Variants in PHACTR3 observed in about 807,000 individuals in gnomAD.
PHACTR3 encodes protein phosphatase 1, regulatory subunit 123.
Under a neutral mutation model 66.8 loss-of-function variants are expected in PHACTR3, and 16 were observed. The ratio of observed to expected loss-of-function variants is 0.24; its 90% confidence interval spans 0.16 to 0.36. The LOEUF (loss-of-function observed/expected upper bound fraction) is 0.36, where lower values mean the gene tolerates loss of function less well. Among genes scored for constraint, PHACTR3 ranks in the 10% least tolerant of loss-of-function variants. PHACTR3 has a pLI of 1.00. For missense variants in PHACTR3, 647 were observed against 719.9 expected (o/e 0.90, Z 1.16); for synonymous variants, 323 against 292.1 (o/e 1.11, Z -1.08).
chr20:59,704,960 T>C (rs1003460693), intron 1 of PHACTR3, among the ~76,000 whole-genome samples: 3 of 131,120 alleles, frequency 2.3e-5, no homozygotes, highest in Non-Finnish European at 5.4e-5. Context: ...GACTTTCTCT[T>C]TTTTTTTTTT....
chr20:59,837,879 C>T (rs2058992883), intron 9 of PHACTR3, among the ~76,000 whole-genome samples: 1 of 152,182 alleles, frequency 6.6e-6, no homozygotes, highest in Non-Finnish European at 1.5e-5. Flanking sequence ...ACCATGTCTT[C>T]TTTCAGTAGC....
chr20:59,827,535 C>CA (rs1002405448), intron 8 of PHACTR3, among the ~76,000 whole-genome samples: 25 of 152,254 alleles, frequency 1.6e-4, no homozygotes, highest in Non-Finnish European at 2.6e-4. Flanking sequence ...CTAGCCCCCT[C>CA]ACATACGGCT....
At chr20:59,799,660 G>A (rs1168670778) in intron 7 of PHACTR3, among the ~76,000 whole-genome samples, 1 of 151,918 alleles carries the variant, frequency 6.6e-6, no homozygotes, top group East Asian at 1.9e-4. Flanking sequence ...TAATCTATTT[G>A]TAACTTTATA....
chr20:59,846,655 A>C (rs2059152606), intron 12 of PHACTR3, among the ~76,000 whole-genome samples: 1 of 152,188 alleles, frequency 6.6e-6, no homozygotes, highest in Non-Finnish European at 1.5e-5. Flanking sequence ...CTAATACTTA[A>C]AATGTGGTAT....
At chr20:59,747,884 A>G in intron 3 of PHACTR3, 49 bp downstream of exon 3, 6 of 1,582,144 alleles carry the variant, frequency 3.8e-6, no homozygotes, top group Non-Finnish European at 5.2e-6. Context: ...CTGGGAATGC[A>G]GAATGGAAAG....
chr20:59,633,153 G>C (rs2034725772), intron 1 of PHACTR3, among the ~76,000 whole-genome samples: 1 of 152,204 alleles, frequency 6.6e-6, no homozygotes, highest in Non-Finnish European at 1.5e-5. Flanking sequence ...CTTTTCTCGT[G>C]AAAGTAGGGT....
chr20:59,740,624 C>T (rs568919428), intron 1 of PHACTR3, among the ~76,000 whole-genome samples: 2 of 152,354 alleles, frequency 1.3e-5, no homozygotes, highest in African/African-American at 4.8e-5. Context: ...ACACTGAGTC[C>T]TCCCCTCAAC....
chr20:59,609,263 C>A (rs543912287), intron 1 of PHACTR3, among the ~76,000 whole-genome samples: 6 of 152,336 alleles, frequency 3.9e-5, no homozygotes, highest in East Asian at 1.9e-4. Flanking sequence ...GGGCTCAGGG[C>A]ATCCCATGCT....
intron 1 of PHACTR3, among the ~76,000 whole-genome samples, chr20:59,664,566 C>G (rs891004507): frequency 6.6e-6 from 1 of 152,204 alleles, no homozygotes. Flanking sequence ...TTGACCTTCT[C>G]CTACACCTCC....
In PHACTR3 at chr20:59,822,738, G is replaced by A. The variant is rs919458594; in HGVS notation, c.1329-13767G>A. Among the ~76,000 whole-genome samples, 8 of 152,242 alleles carry A rather than the reference G, an allele frequency of 5.3e-5. No homozygotes were observed. In the East Asian group the frequency reaches 9.7e-4, roughly 18 times the overall value. ...CTGACGGGCACCTACCGTGTGGCTC[G>A]GGCCCCGTGCTGGGCAAGACCCTGC... On this transcript the variant is annotated intron_variant, in intron 8 of 12. Transcript: ENST00000371015.
intron 1 of PHACTR3, among the ~76,000 whole-genome samples, chr20:59,723,748 A>G (rs1025062738): frequency 5.3e-5 from 8 of 151,756 alleles, no homozygotes; most frequent in African/African-American, 1.7e-4. Flanking sequence ...TCTTTGGGCA[A>G]TGGTAAGGAG....
intron 8 of PHACTR3, 107 bp downstream of exon 8, chr20:59,806,301 C>T: frequency 7.1e-7 from 1 of 1,406,486 alleles, no homozygotes; most frequent in East Asian, 2.4e-5. Flanking sequence ...GCACAACCCA[C>T]CGTCTGCAGC....
intron 4 of PHACTR3, among the ~76,000 whole-genome samples, chr20:59,766,635 C>G (rs532771131): frequency 3.9e-4 from 59 of 152,256 alleles, no homozygotes; most frequent in Middle Eastern, 3.4e-3. Context: ...TTCCTATCCT[C>G]ACTCCCACTC....
At chr20:59,819,643 G>C (rs2145413933) in intron 8 of PHACTR3, among the ~76,000 whole-genome samples, 1 of 152,286 alleles carries the variant, frequency 6.6e-6, no homozygotes, top group East Asian at 1.9e-4. Flanking sequence ...GTGTGGCCTG[G>C]TTGGGCCGGT....
At chr20:59,845,345 T>G in intron 12 of PHACTR3, 80 bp downstream of exon 12, 1 of 876,516 alleles carries the variant, frequency 1.1e-6, no homozygotes, top group Non-Finnish European at 1.9e-6. Flanking sequence ...CCACAAACCA[T>G]GTATCCAGCT....
At chr20:59,828,795 G>C (rs959186570) in intron 8 of PHACTR3, among the ~76,000 whole-genome samples, 1 of 152,056 alleles carries the variant, frequency 6.6e-6, no homozygotes, top group African/African-American at 2.4e-5. Context: ...CCTGAGGATG[G>C]TGGGAACCCG....
chr20:59,835,804 G>A (rs2042509035), intron 8 of PHACTR3: 1 of 152,244 alleles, frequency 6.6e-6, no homozygotes, highest in South Asian at 2.1e-4. Flanking sequence ...TGGGCTGATG[G>A]TGGGAGGGGA....
intron 1 of PHACTR3, among the ~76,000 whole-genome samples, chr20:59,589,002 C>T (rs192799662): frequency 6.6e-6 from 1 of 152,344 alleles, no homozygotes; most frequent in East Asian, 1.9e-4. Flanking sequence ...TGATGGCCCC[C>T]CAGGCCCATC....
chr20:59,752,632 C>T (rs937782276), intron 3 of PHACTR3, among the ~76,000 whole-genome samples: 1 of 152,244 alleles, frequency 6.6e-6, no homozygotes, highest in Admixed American at 6.5e-5. Flanking sequence ...GGGCATGGTG[C>T]TTTTCTGAGT....
Sources: gnomAD v4.1 joint callset for allele counts (sites outside exome capture counted in the v4.1 genomes callset) on GRCh38, gnomAD v4.1.1 for gene constraint, MANE v1.5 for transcripts, NCBI Gene and HGNC (gene_info 2026-07-23, HGNC 2026-07-21) for gene names.